The following LIFR variants were observed in gnomAD, a reference collection of about 807,000 sequenced individuals.
LIFR encodes LIF receptor subunit alpha.
LIFR carries 84 observed loss-of-function variants against 122.2 expected under a neutral mutation model. The observed-to-expected ratio is 0.69, with a 90% CI of 0.58 to 0.82. The LOEUF is 0.82. Among genes scored for constraint, LIFR ranks in the 40% least tolerant of loss-of-function variants. The pLI is 0.00. For missense variants in LIFR, 1,294 were observed against 1,311.6 expected (o/e 0.99, Z 0.21); for synonymous variants, 422 against 434.7 (o/e 0.97, Z 0.36).
chr5:38,551,784 C>T (rs934801434), intron 1 of LIFR, among the ~76,000 whole-genome samples: 4 of 152,220 alleles, frequency 2.6e-5, no homozygotes, highest in Non-Finnish European at 5.9e-5. Context: ...AGTTTTTCCT[C>T]AACTTCCAAC....
Position 38,528,778 on chromosome 5 carries a change from CT to C in LIFR, c.204del (p.Ala69HisfsTer42). ...NNLQVWNCSW[K>X]APSGTGRGTD... ...GTACCACGGCCTGTTCCAGAGGGTG[CT>C]TTCCAAGAACAGTTCCACACTTGCA... On this transcript the variant is annotated frameshift_variant, in exon 3 of 20. Coordinates refer to ENST00000453190, the MANE Select transcript of LIFR (RefSeq NM_001127671.2). LOFTEE classifies it high-confidence loss of function. 1 of 1,598,420 alleles carries C rather than the reference CT, an allele frequency of 6.3e-7. No individual in the cohort carries two copies. The highest frequency in any genetic ancestry group is 8.5e-7 in the Non-Finnish European group (1 of 1,171,244).
At chr5:38,562,743 C>A (rs1748882565) in intron 1 of LIFR, among the ~76,000 whole-genome samples, 1 of 152,124 alleles carries the variant, frequency 6.6e-6, no homozygotes, top group South Asian at 2.1e-4. Flanking sequence ...ATATATTATT[C>A]TAAATATTGC....
chr5:38,536,959 A>AT (rs1330563711), intron 1 of LIFR, among the ~76,000 whole-genome samples: 3 of 151,852 alleles, frequency 2.0e-5, no homozygotes, highest in African/African-American at 2.4e-5. Context: ...AATCTTGTCA[A>AT]TTTTTTTTTC....
At chr5:38,527,540 G>A (rs1374700062) in intron 3 of LIFR, among the ~76,000 whole-genome samples, 2 of 152,200 alleles carry the variant, frequency 1.3e-5, no homozygotes, top group Non-Finnish European at 2.9e-5. Flanking sequence ...AACAGCTGGA[G>A]TTTTTGCATG....
At chr5:38,516,400 C>T (rs1462218551) in intron 5 of LIFR, among the ~76,000 whole-genome samples, 1 of 152,108 alleles carries the variant, frequency 6.6e-6, no homozygotes, top group African/African-American at 2.4e-5. Flanking sequence ...AAAAAGCGGG[C>T]AAACGATATG....
intron 4 of LIFR, among the ~76,000 whole-genome samples, chr5:38,526,629 T>C (rs569573005): frequency 9.2e-5 from 14 of 152,220 alleles, no homozygotes; most frequent in Non-Finnish European, 1.8e-4. Flanking sequence ...GATTTGCTGA[T>C]GTATCCATCT....
At chr5:38,551,794 C>T (rs1748217396) in intron 1 of LIFR, among the ~76,000 whole-genome samples, 1 of 152,232 alleles carries the variant, frequency 6.6e-6, no homozygotes, top group Admixed American at 6.5e-5. Flanking sequence ...CAACTTCCAA[C>T]ATGAAAGCAT....
intron 9 of LIFR, among the ~76,000 whole-genome samples, chr5:38,505,401 T>C (rs943193845): frequency 2.9e-5 from 4 of 139,388 alleles, no homozygotes; most frequent in African/African-American, 8.1e-5. Context: ...TGCATAGAAC[T>C]ACACACACAC....
chr5:38,600,024 T>C (rs562383858), upstream of LIFR, among the ~76,000 whole-genome samples: 14 of 152,240 alleles, frequency 9.2e-5, no homozygotes, highest in Non-Finnish European at 1.5e-5. Flanking sequence ...GCTTGCTACC[T>C]GGGGGCTTCA....
rs181987638 is a variant in LIFR at position 38,483,577 on chromosome 5, G to A, written c.2592-910C>T. ...CCTAAGTAGCTGGGATTACAGGCAC[G>A]TGCCACTATGCTCAGCTAATTTTTT... On this transcript the variant is annotated intron_variant, in intron 18 of 19. Transcript: ENST00000453190. 7.4e-4 allele frequency among the ~76,000 whole-genome samples: 112 copies of A among 152,032 alleles called. 1 individual carries two copies. Among genetic ancestry groups the A allele is most frequent in the African/African-American group, 2.4e-3 (99 of 41,480 alleles).
Position 38,474,864 on chromosome 5 carries a change from C to T in LIFR, c.*6731G>A, listed in dbSNP as rs1428605. The T allele has an allele frequency of 4.5e-5, 7 of 153,872 alleles. No individual in the cohort carries two copies. Among genetic ancestry groups the T allele is most frequent in the African/African-American group, 1.7e-4 (7 of 41,486 alleles). 9.5% of individuals were successfully genotyped at this position (153,872 alleles called of 1,614,324 possible). On this transcript the variant is annotated 3_prime_UTR_variant, in exon 20 of 20. Transcript: ENST00000453190. ...TGATTGCTTTACAACCACTGTATTT[C>T]TTACGGGATAGAACAAAAAAATACA...
intron 14 of LIFR, among the ~76,000 whole-genome samples, chr5:38,491,541 A>AG (rs953881256): frequency 5.9e-5 from 9 of 152,198 alleles, no homozygotes; most frequent in Non-Finnish European, 8.8e-5. Context: ...GGGGACACGC[A>AG]GGGGGGATTG....
At chr5:38,604,676 G>C (rs933571767) in intron 2 of LIFR, among the ~76,000 whole-genome samples, 1 of 151,712 alleles carries the variant, frequency 6.6e-6, no homozygotes, top group Non-Finnish European at 1.5e-5. Flanking sequence ...ACTCCAGCCT[G>C]GGCGACAGGG....
chr5:38,527,131 T>C, intron 4 of LIFR, 24 bp downstream of exon 4: 1 of 1,570,772 alleles, frequency 6.4e-7, no homozygotes, highest in South Asian at 1.1e-5. Flanking sequence ...TACTTTAAAA[T>C]TGAGTTTGTT....
chr5:38,573,095 A>T (rs535710366), intron 1 of LIFR, among the ~76,000 whole-genome samples: 1 of 152,374 alleles, frequency 6.6e-6, no homozygotes, highest in Non-Finnish European at 1.5e-5. Flanking sequence ...GTCAAGTCAC[A>T]CTAATCAGCT....
At chr5:38,521,918 T>A (rs1328486342) in intron 5 of LIFR, among the ~76,000 whole-genome samples, 1 of 152,030 alleles carries the variant, frequency 6.6e-6, no homozygotes, top group Non-Finnish European at 1.5e-5. Context: ...GTCCATAGGC[T>A]GTAAGTTCTG....
chr5:38,530,781 G>A (rs745499414), intron 1 of LIFR, 115 bp from the exon 2 acceptor site: 49 of 929,704 alleles, frequency 5.3e-5, no homozygotes, highest in African/African-American at 1.6e-5. Context: ...TGTACATTTA[G>A]AGACTTTGGA....
In LIFR at chr5:38,505,993, T is replaced by C. The variant is rs772264217; in HGVS notation, c.1203A>G (p.Pro401=). 3 of 1,608,492 alleles carry C rather than the reference T, an allele frequency of 1.9e-6. No homozygotes were observed. The highest frequency in any genetic ancestry group is 3.3e-5 in the Admixed American group (2 of 59,936). The change falls in exon 9 of 20, where the codon CCA becomes CCG. Residue 401 remains proline, a synonymous_variant. Transcript: ENST00000453190. ...ESYQLLFQML[P]NQEIYNFTLN... is the part of the protein sequence containing the mutation. ...AAGTAAAATTATATATTTCTTGATT[T>C]GGAAGCATTTGAAATAATAATTGAT...
intron 11 of LIFR, among the ~76,000 whole-genome samples, 176 bp from the exon 12 acceptor site, chr5:38,499,759 C>G (rs1312218967): frequency 6.6e-6 from 1 of 152,086 alleles, no homozygotes; most frequent in African/African-American, 2.4e-5. Context: ...TTGCAAAACA[C>G]ACGGCCCCCT....
Sources: gnomAD v4.1 joint callset for allele counts (sites outside exome capture counted in the v4.1 genomes callset) on GRCh38, gnomAD v4.1.1 for gene constraint, MANE v1.5 for transcripts, NCBI Gene and HGNC (gene_info 2026-07-23, HGNC 2026-07-21) for gene names.